SLCO3A1: variants seen among roughly 807,000 people sequenced by gnomAD.
The protein encoded by SLCO3A1 is PGE1 transporter.
In SLCO3A1, 27 loss-of-function variants were observed where a neutral mutation model predicts 63.1. That is an observed-to-expected ratio of 0.43 (90% CI 0.32 to 0.59). The LOEUF (loss-of-function observed/expected upper bound fraction) is 0.59, where lower values mean the gene tolerates loss of function less well. Ranked by LOEUF, SLCO3A1 falls within the 20% of genes least tolerant of loss-of-function variation. The pLI is 0.09. For synonymous variants in SLCO3A1, 473 were observed against 409.9 expected (o/e 1.15, Z -1.86); for missense variants, 773 against 945.8 (o/e 0.82, Z 2.40).
chr15:92,139,357 G>A (rs2048098720), intron 7 of SLCO3A1, among the ~76,000 whole-genome samples: 1 of 151,544 alleles, frequency 6.6e-6, no homozygotes, highest in Non-Finnish European at 1.5e-5. Context: ...GCTTTTTGAT[G>A]TGCTGCTGGA....
At chr15:92,020,633 G>T (rs138450248) in intron 2 of SLCO3A1, among the ~76,000 whole-genome samples, 1 of 152,190 alleles carries the variant, frequency 6.6e-6, no homozygotes, top group Admixed American at 6.5e-5. Flanking sequence ...CAGTAAGAGG[G>T]ATGGCACCGT....
chr15:92,069,665 C>T (rs565848602), intron 2 of SLCO3A1, among the ~76,000 whole-genome samples: 3 of 152,268 alleles, frequency 2.0e-5, no homozygotes, highest in Admixed American at 6.5e-5. Flanking sequence ...GCTGGACCTG[C>T]TGGGGGAGGA....
downstream of SLCO3A1, among the ~76,000 whole-genome samples, chr15:92,170,169 G>A (rs1449529679): frequency 1.3e-5 from 2 of 152,126 alleles, no homozygotes; most frequent in African/African-American, 2.4e-5. Context: ...CTCTCATGGA[G>A]ACATGTTTGG....
intron 2 of SLCO3A1, among the ~76,000 whole-genome samples, chr15:91,964,085 A>G (rs1222787289): frequency 6.6e-6 from 1 of 152,110 alleles, no homozygotes; most frequent in East Asian, 1.9e-4. Context: ...CCAAGTCCCC[A>G]CCTGACCCAG....
chr15:92,118,318 T>TG (rs1470729515), intron 4 of SLCO3A1, among the ~76,000 whole-genome samples: 2 of 152,234 alleles, frequency 1.3e-5, no homozygotes, highest in Non-Finnish European at 2.9e-5. Context: ...AACACAGGAT[T>TG]CGGTTGCTCA....
intron 2 of SLCO3A1, among the ~76,000 whole-genome samples, chr15:91,927,219 A>C (rs1164535548): frequency 1.3e-5 from 2 of 152,194 alleles, no homozygotes; most frequent in Non-Finnish European, 2.9e-5. Context: ...CTTTCAGCCT[A>C]ACCGTGGGTG....
intron 2 of SLCO3A1, among the ~76,000 whole-genome samples, chr15:92,085,899 T>C (rs148120112): frequency 6.6e-6 from 1 of 151,878 alleles, no homozygotes; most frequent in African/African-American, 2.4e-5. Context: ...CCTGCATAAG[T>C]AGACTCACAC....
At chr15:92,160,590 C>T (rs1055727379) in intron 9 of SLCO3A1, among the ~76,000 whole-genome samples, 19 of 152,108 alleles carry the variant, frequency 1.2e-4, no homozygotes, top group African/African-American at 3.6e-4. Context: ...TTTATTAAAT[C>T]GAGCTGCTTG....
chr15:91,951,519 C>T (rs1219400852), intron 2 of SLCO3A1, among the ~76,000 whole-genome samples: 1 of 151,056 alleles, frequency 6.6e-6, no homozygotes, highest in Admixed American at 6.6e-5. Flanking sequence ...TCCGATCACT[C>T]GTGTATAATT....
chr15:92,154,985 G>C (rs1312162818), intron 9 of SLCO3A1, among the ~76,000 whole-genome samples: 1 of 152,198 alleles, frequency 6.6e-6, no homozygotes, highest in Non-Finnish European at 1.5e-5. Context: ...AAAGCCCAGG[G>C]TGTTGCTGGC....
chr15:91,857,028 T>C (rs962970942), intron 1 of SLCO3A1, among the ~76,000 whole-genome samples: 1 of 119,238 alleles, frequency 8.4e-6, no homozygotes, highest in African/African-American at 3.9e-5. Flanking sequence ...GAAGGAGGAC[T>C]CGTGTGTGTG....
rs550286563 is a variant in SLCO3A1 at position 91,940,535 on chromosome 15, A to T, written c.646+24077A>T. ...GAATCAGTTGGCATAGTGAATTTCA[A>T]ATCAGTGCTTAAACTGATGGCCCTT... On this transcript the variant is annotated intron_variant, in intron 2 of 9. Coordinates refer to ENST00000318445, the MANE Select transcript of SLCO3A1 (RefSeq NM_013272.4). Among the ~76,000 whole-genome samples, 120 of 152,272 alleles carry T rather than the reference A, an allele frequency of 7.9e-4. 1 individual carries two copies. The highest frequency in any genetic ancestry group is 2.7e-3 in the African/African-American group (111 of 41,558).
At chr15:91,909,916 C>T (rs1898431049) in intron 1 of SLCO3A1, among the ~76,000 whole-genome samples, 1 of 152,250 alleles carries the variant, frequency 6.6e-6, no homozygotes, top group African/African-American at 2.4e-5. Context: ...CTCCCCAGCA[C>T]TGTGGAAACA....
chr15:91,855,771 C>T (rs1461333848), intron 1 of SLCO3A1, among the ~76,000 whole-genome samples: 1 of 152,102 alleles, frequency 6.6e-6, no homozygotes, highest in Non-Finnish European at 1.5e-5. Flanking sequence ...TGTACTGTGA[C>T]ATATGCAAAG....
chr15:91,917,290 C>T (rs1177166756), intron 2 of SLCO3A1, among the ~76,000 whole-genome samples: 1 of 152,190 alleles, frequency 6.6e-6, no homozygotes, highest in East Asian at 1.9e-4. Context: ...AAAACATTAC[C>T]TCTACCCAGG....
Position 92,164,501 on chromosome 15 carries a change from C to G in SLCO3A1, c.*1366C>G. ...TTGACATTCCAAGAGGCGTTCTTTT[C>G]AGCCTGTGGAGGAGACACTCTTAGA... On this transcript the variant is annotated 3_prime_UTR_variant, in exon 10 of 10. Transcript: ENST00000318445. 1 of 985,418 alleles carries G rather than the reference C, an allele frequency of 1.0e-6. No homozygotes were observed. Among genetic ancestry groups the G allele is most frequent in the Non-Finnish European group, 1.2e-6 (1 of 829,926 alleles). The allele number at this position is 985,418 out of a possible 1,614,324, so 61.0% of individuals were successfully genotyped here.
intron 7 of SLCO3A1, 116 bp from the exon 8 acceptor site, chr15:92,146,864 CTAAT>C: frequency 1.1e-6 from 1 of 880,250 alleles, no homozygotes; most frequent in Non-Finnish European, 1.7e-6. Flanking sequence ...TTATTCAGGC[CTAAT>C]TAATGGAATG....
intron 4 of SLCO3A1, among the ~76,000 whole-genome samples, chr15:92,106,103 ACTGT>A (rs775634891): frequency 1.3e-5 from 2 of 152,220 alleles, no homozygotes; most frequent in Non-Finnish European, 2.9e-5. Flanking sequence ...GCTGCAGAAG[ACTGT>A]CTGTTAATCG....
In SLCO3A1 at chr15:92,165,444, T is replaced by C; in HGVS notation, c.*2309T>C. 2 of 985,082 alleles carry C rather than the reference T, an allele frequency of 2.0e-6. No individual in the cohort carries two copies. Among genetic ancestry groups the C allele is most frequent in the South Asian group, 9.4e-5 (2 of 21,268 alleles). 61.0% of individuals were successfully genotyped at this position (985,082 alleles called of 1,614,324 possible). ...TAGATTATTGCTTGGCCCTTCAAAC[T>C]CAGTACACACACACTGAGGCCCTTT... On this transcript the variant is annotated 3_prime_UTR_variant, in exon 10 of 10. Coordinates refer to ENST00000318445, the MANE Select transcript of SLCO3A1 (RefSeq NM_013272.4).
Sources: gnomAD v4.1 joint callset for allele counts (sites outside exome capture counted in the v4.1 genomes callset) on GRCh38, gnomAD v4.1.1 for gene constraint, MANE v1.5 for transcripts, NCBI Gene and HGNC (gene_info 2026-07-23, HGNC 2026-07-21) for gene names.